The following MAPK9 variants were observed in gnomAD, a reference collection of about 807,000 sequenced individuals.
The protein encoded by MAPK9 is mitogen-activated protein kinase 9, also known as Jun kinase.
Under a neutral mutation model 57.1 loss-of-function variants are expected in MAPK9, and 30 were observed. The observed-to-expected ratio is 0.53, with a 90% CI of 0.39 to 0.71. The LOEUF (loss-of-function observed/expected upper bound fraction) is 0.71. MAPK9 is among the 30% of genes least tolerant of loss of function. The pLI is 0.00. For synonymous variants in MAPK9, 155 were observed against 177.0 expected, an observed-to-expected ratio of 0.88 and a Z score of 0.99; for missense variants, 362 against 521.0, an observed-to-expected ratio of 0.69 and a Z score of 2.97.
chr5:180,276,397 T>C (rs1478644158), intron 2 of MAPK9, among the ~76,000 whole-genome samples: 4 of 152,180 alleles, frequency 2.6e-5, no homozygotes, highest in Admixed American at 6.5e-5. Context: ...AAATAATCTT[T>C]ACTATTTTGG....
chr5:180,255,686 C>T (rs1759205827), intron 5 of MAPK9, among the ~76,000 whole-genome samples: 1 of 152,184 alleles, frequency 6.6e-6, no homozygotes, highest in East Asian at 1.9e-4. Context: ...ACGAGCCAAA[C>T]ACCATCACAT....
chr5:180,252,157 G>C (rs895247649), intron 5 of MAPK9, among the ~76,000 whole-genome samples: 2 of 152,182 alleles, frequency 1.3e-5, no homozygotes, highest in Non-Finnish European at 2.9e-5. Flanking sequence ...TGTTATGGGA[G>C]GGTGGGAACG....
At chr5:180,284,963 A>C (rs553341864) in intron 1 of MAPK9, among the ~76,000 whole-genome samples, 1 of 152,348 alleles carries the variant, frequency 6.6e-6, no homozygotes, top group African/African-American at 2.4e-5. Flanking sequence ...ATAGTGGGAA[A>C]TGAGAAACTT....
chr5:180,269,264 T>C lies in MAPK9; in HGVS notation c.252+16A>G. 1.2e-6 allele frequency: 2 copies of C among 1,611,060 alleles called. No individual in the cohort carries two copies. The highest frequency in any genetic ancestry group is 1.7e-6 in the Non-Finnish European group (2 of 1,177,490). ...ACAATATGGAAGCACACAGACAAAA[T>C]ACATACATAACTTACATTTTTATGA... On this transcript the variant is annotated intron_variant, in intron 3 of 11. Transcript: ENST00000452135.
At chr5:180,287,847 G>A (rs139384999) in intron 1 of MAPK9, among the ~76,000 whole-genome samples, 4 of 152,160 alleles carry the variant, frequency 2.6e-5, no homozygotes, top group African/African-American at 9.7e-5. Flanking sequence ...TACTCTGTAA[G>A]GGCAGAAAAT....
intron 9 of MAPK9, 47 bp from the exon 10 acceptor site, chr5:180,240,034 AAAT>A (rs756302874): frequency 6.8e-7 from 1 of 1,468,290 alleles, no homozygotes; most frequent in Non-Finnish European, 9.5e-7. Flanking sequence ...CCTCAAAAAA[AAAT>A]GAGGCACTAA....
chr5:180,287,693 C>T (rs1043185601), intron 1 of MAPK9, among the ~76,000 whole-genome samples: 1 of 152,170 alleles, frequency 6.6e-6, no homozygotes, highest in African/African-American at 2.4e-5. Flanking sequence ...CATTCACCCT[C>T]CTTCAAAAAT....
At chr5:180,246,742 T>C (rs968815876) in intron 7 of MAPK9, 2 of 152,236 alleles carry the variant, frequency 1.3e-5, no homozygotes, top group African/African-American at 4.8e-5. Context: ...TCCTTTCTGC[T>C]GTATCTCTAA....
At chr5:180,253,573 C>T (rs1184562265) in intron 5 of MAPK9, 1 of 152,260 alleles carries the variant, frequency 6.6e-6, no homozygotes. Flanking sequence ...CCATCTCCAT[C>T]CCAGAAGTGA....
intron 3 of MAPK9, 28 bp downstream of exon 3, chr5:180,269,250 GCA>G (rs755253020): frequency 8.1e-5 from 129 of 1,602,102 alleles, no homozygotes; most frequent in Admixed American, 3.8e-4. Flanking sequence ...CAATATGGAA[GCA>G]CACAGACAAA....
chr5:180,280,757 C>CA (rs997788039), intron 1 of MAPK9, 149 bp from the exon 2 acceptor site: 4 of 578,524 alleles, frequency 6.9e-6, no homozygotes, highest in Non-Finnish European at 8.3e-6. Flanking sequence ...AAGCAAGACA[C>CA]AAAAAAATGC....
chr5:180,286,478 T>C (rs962936665), intron 1 of MAPK9, among the ~76,000 whole-genome samples: 1 of 151,752 alleles, frequency 6.6e-6, no homozygotes, highest in African/African-American at 2.4e-5. Flanking sequence ...TAGCTTGGTA[T>C]AACAACGTAA....
intron 7 of MAPK9, chr5:180,246,329 ATAACT>A (rs1439706243): frequency 6.6e-6 from 1 of 152,224 alleles, no homozygotes; most frequent in Admixed American, 6.5e-5. Context: ...AACAAATAAA[ATAACT>A]TGACATATTA....
At chr5:180,280,079 GA>G (rs1159048549) in intron 2 of MAPK9, 9 of 455,748 alleles carry the variant, frequency 2.0e-5, no homozygotes, top group African/African-American at 1.6e-4. Flanking sequence ...GGGGAGGGGG[GA>G]AAAGGTGGCC....
chr5:180,245,607 G>A (rs1040374702), intron 7 of MAPK9, among the ~76,000 whole-genome samples: 8 of 152,122 alleles, frequency 5.3e-5, no homozygotes, highest in Non-Finnish European at 1.0e-4. Context: ...CAATAATTCC[G>A]ACAAGCCCAG....
In MAPK9 at chr5:180,276,847, G is replaced by A. The variant is rs36041629; in HGVS notation, c.122+3593C>T. Among the ~76,000 whole-genome samples, 634 of 152,218 alleles carry A rather than the reference G, an allele frequency of 4.2e-3. 2 individuals carry two copies. The highest frequency in any genetic ancestry group is 9.5e-3 in the African/African-American group (393 of 41,526). On this transcript the variant is annotated intron_variant, in intron 2 of 11. Coordinates refer to ENST00000452135, the MANE Select transcript of MAPK9 (RefSeq NM_002752.5). ...CCACCTGGTGACAGAGCAAGACTCC[G>A]TCTCAAAAATAAAATAAAATATTTT...
At chr5:180,264,532 T>C (rs1246695638) in intron 4 of MAPK9, among the ~76,000 whole-genome samples, 2 of 152,246 alleles carry the variant, frequency 1.3e-5, no homozygotes, top group African/African-American at 4.8e-5. Context: ...ACATTAGTGA[T>C]CCTGGTCTGC....
At position 180,235,429 on chromosome 5, in the gene MAPK9, T is replaced by C. The variant is rs1419383169; in HGVS notation, c.*955A>G. 1 of 152,202 alleles carries C rather than the reference T, an allele frequency of 6.6e-6. No individual in the cohort carries two copies. The highest frequency in any genetic ancestry group is 1.5e-5 in the Non-Finnish European group (1 of 68,042). 9.4% of individuals were successfully genotyped at this position (152,202 alleles called of 1,614,324 possible). ...TGTGGCAAAGGAAGCACTTAGGAAA[T>C]GACTGCAGTGATCTCTAGTGAGCAT... is the stretch of plus-strand genomic sequence containing the variant. On this transcript the variant is annotated 3_prime_UTR_variant, in exon 12 of 12. Transcript: ENST00000452135.
At chr5:180,259,881 T>G (rs1028176074) in intron 5 of MAPK9, among the ~76,000 whole-genome samples, 1 of 152,208 alleles carries the variant, frequency 6.6e-6, no homozygotes, top group African/African-American at 2.4e-5. Flanking sequence ...ATGAAAAAAC[T>G]CATACTCTGT....
Sources: gnomAD v4.1 joint callset for allele counts (sites outside exome capture counted in the v4.1 genomes callset) on GRCh38, gnomAD v4.1.1 for gene constraint, MANE v1.5 for transcripts, NCBI Gene and HGNC (gene_info 2026-07-23, HGNC 2026-07-21) for gene names.